Variants in ARHGAP10 observed in about 807,000 individuals in gnomAD.
ARHGAP10 encodes Rho GTPase activating protein 10.
ARHGAP10 carries 87 observed loss-of-function variants against 108.6 expected under a neutral mutation model. The observed-to-expected ratio is 0.80, with a 90% CI of 0.67 to 0.96. ARHGAP10 has a LOEUF of 0.96. Among genes scored for constraint, ARHGAP10 ranks in the 40% least tolerant of loss-of-function variants. ARHGAP10 has a pLI of 0.00. For synonymous variants in ARHGAP10, 347 were observed against 341.1 expected (o/e 1.02, Z -0.19); for missense variants, 939 against 954.5 (o/e 0.98, Z 0.21).
At chr4:147,897,566 C>T (rs1305291026) in intron 10 of ARHGAP10, among the ~76,000 whole-genome samples, 1 of 152,038 alleles carries the variant, frequency 6.6e-6, no homozygotes. Flanking sequence ...CAGAGTATAA[C>T]ATGCATTTTA....
intron 22 of ARHGAP10, among the ~76,000 whole-genome samples, chr4:148,071,292 C>T (rs1730164111): frequency 6.6e-6 from 1 of 152,198 alleles, no homozygotes; most frequent in African/African-American, 2.4e-5. Context: ...AGCCAGGTGC[C>T]CAGGGGCCTG....
At chr4:147,975,493 G>A (rs1739558629) in intron 18 of ARHGAP10, among the ~76,000 whole-genome samples, 1 of 152,164 alleles carries the variant, frequency 6.6e-6, no homozygotes, top group African/African-American at 2.4e-5. Context: ...TCTTACAGTT[G>A]CATAAGCTGG....
rs1195989477 is a variant in ARHGAP10, at chr4:147,847,231, C to G, written c.384+9C>G. ...AACTTGGAGCTGTAAAGGTTTGTGT[C>G]TAATTTGAATACACTCAGAAAACAT... On this transcript the variant is annotated intron_variant, in intron 4 of 22. Transcript: ENST00000336498. 2 of 1,603,372 alleles carry G rather than the reference C, an allele frequency of 1.2e-6. No homozygotes were observed. The highest frequency in any genetic ancestry group is 1.6e-4 in the Middle Eastern group (1 of 6,070).
At chr4:148,023,475 G>A (rs1353931628) in intron 19 of ARHGAP10, 62 bp downstream of exon 19, 20 of 1,519,948 alleles carry the variant, frequency 1.3e-5, no homozygotes, top group South Asian at 3.9e-5. Flanking sequence ...ATCATATGTC[G>A]TCAGGGCAGG....
intron 17 of ARHGAP10, among the ~76,000 whole-genome samples, chr4:147,966,085 T>G (rs1560849730): frequency 6.6e-6 from 1 of 152,216 alleles, no homozygotes; most frequent in Non-Finnish European, 1.5e-5. Context: ...TGATTGTGGG[T>G]GCTCTGACCA....
At chr4:147,795,335 C>G (rs574164781) in intron 1 of ARHGAP10, among the ~76,000 whole-genome samples, 1 of 152,092 alleles carries the variant, frequency 6.6e-6, no homozygotes, top group Non-Finnish European at 1.5e-5. Flanking sequence ...ACCTTTTATC[C>G]TACGTTTGTC....
At position 147,908,254 on chromosome 4, in the gene ARHGAP10, AGT is replaced by A. The variant is rs1299424820; in HGVS notation, c.1117-1477_1117-1476del. On this transcript the variant is annotated intron_variant, in intron 11 of 22. Coordinates refer to ENST00000336498, the MANE Select transcript of ARHGAP10 (RefSeq NM_024605.4). ...AAAACAGGTTATACTAGTCTTCTTTAGTAAAGACAGCACACTCACTGGAATGT... is the reference window on the plus strand; with the variant it reads ...AAAACAGGTTATACTAGTCTTCTTTAAAAGACAGCACACTCACTGGAATGT... Among the ~76,000 whole-genome samples, 5 of 152,352 alleles carry A rather than the reference AGT, an allele frequency of 3.3e-5. No individual in the cohort carries two copies. In the East Asian group the frequency reaches 9.6e-4, roughly 29 times the overall value.
chr4:148,052,796 T>C (rs888115063), intron 20 of ARHGAP10, among the ~76,000 whole-genome samples: 2 of 152,020 alleles, frequency 1.3e-5, no homozygotes, highest in African/African-American at 4.8e-5. Flanking sequence ...AGCTCAAATC[T>C]AAGGAAGAAC....
chr4:148,052,434 CAT>C (rs1348690786), intron 20 of ARHGAP10, among the ~76,000 whole-genome samples: 4 of 93,476 alleles, frequency 4.3e-5, no homozygotes, highest in African/African-American at 1.7e-4. Context: ...CCAAAATGAA[CAT>C]ATACTGCTTT....
chr4:147,875,089 C>G lies in ARHGAP10; in HGVS notation c.771C>G (p.Pro257=), dbSNP rs962546015. ...EELMNKIRQN[P]KDHKRASQFT... The stretch of plus-strand genomic sequence containing the variant: ...TCATGAACAAAATCAGACAGAATCC[C>G]AAGGACCACAAACGAGCAAGTCAGT... Residue 257 remains proline (P), a synonymous_variant, in exon 8 of 23, where the codon CCC becomes CCG. Transcript: ENST00000336498. 1 of 1,608,680 alleles carries G rather than the reference C, an allele frequency of 6.2e-7. No homozygotes were observed. The highest frequency in any genetic ancestry group is 1.3e-5 in the African/African-American group (1 of 74,638).
chr4:147,901,030 A>C (rs1374386826), intron 10 of ARHGAP10, among the ~76,000 whole-genome samples: 1 of 152,158 alleles, frequency 6.6e-6, no homozygotes, highest in African/African-American at 2.4e-5. Flanking sequence ...CATCCATTAA[A>C]TTTTATTAAT....
At chr4:147,954,828 TTA>T (rs1290456502) in intron 15 of ARHGAP10, among the ~76,000 whole-genome samples, 1 of 152,058 alleles carries the variant, frequency 6.6e-6, no homozygotes, top group Non-Finnish European at 1.5e-5. Context: ...ATCTCTCATC[TTA>T]TAGGAATAAA....
chr4:148,057,703 G>T (rs113472688), intron 20 of ARHGAP10, among the ~76,000 whole-genome samples: 7 of 152,308 alleles, frequency 4.6e-5, no homozygotes, highest in African/African-American at 1.7e-4. Flanking sequence ...TGGTTATTAG[G>T]TGCTTCCTCC....
chr4:148,043,044 T>C (rs1052028079), intron 19 of ARHGAP10, among the ~76,000 whole-genome samples: 2 of 152,102 alleles, frequency 1.3e-5, no homozygotes, highest in South Asian at 4.1e-4. Context: ...CAAGACGTGG[T>C]CTGCACCCTG....
chr4:147,984,464 G>A (rs372281069), intron 18 of ARHGAP10, among the ~76,000 whole-genome samples: 4 of 152,314 alleles, frequency 2.6e-5, no homozygotes, highest in African/African-American at 4.8e-5. Context: ...TGCCATGCCC[G>A]TGTTTCCTTT....
At chr4:148,066,563 C>T (rs1482446925) in intron 22 of ARHGAP10, among the ~76,000 whole-genome samples, 1 of 152,238 alleles carries the variant, frequency 6.6e-6, no homozygotes, top group African/African-American at 2.4e-5. Flanking sequence ...CACACGTACA[C>T]ATACATAGTC....
chr4:147,735,853 G>A lies in ARHGAP10; in HGVS notation c.154+3398G>A, dbSNP rs17023724. On this transcript the variant is annotated intron_variant, in intron 1 of 22. Coordinates refer to ENST00000336498, the MANE Select transcript of ARHGAP10 (RefSeq NM_024605.4). Reference sequence around the variant, plus strand: ...GTACTTTCTTTTCTTAAAATAACCAGTGTCTTCTTTAAATGCAGTTTAAAC... The same window carrying A: ...GTACTTTCTTTTCTTAAAATAACCAATGTCTTCTTTAAATGCAGTTTAAAC... Among the ~76,000 whole-genome samples, 1,467 of 152,272 alleles carry A rather than the reference G, an allele frequency of 9.6e-3. 32 individuals are homozygous for A. Among genetic ancestry groups the A allele is most frequent in the African/African-American group, 0.033 (1,375 of 41,552 alleles).
chr4:147,972,632 T>G (rs1374566674), intron 18 of ARHGAP10, among the ~76,000 whole-genome samples: 1 of 152,136 alleles, frequency 6.6e-6, no homozygotes, highest in Admixed American at 6.5e-5. Flanking sequence ...AGTGCTAGTG[T>G]CAGGGTTGTC....
In ARHGAP10 at chr4:147,739,848, G is replaced by A. The variant is rs183528462; in HGVS notation, c.154+7393G>A. Among the ~76,000 whole-genome samples the A allele has an allele frequency of 5.2e-3, 776 of 150,214 alleles. 7 individuals are homozygous for A. The highest frequency in any genetic ancestry group is 6.8e-3 in the South Asian group (32 of 4,690). ...CCTCCCAGGTTCAAGCGATTCTCCC[G>A]CCTCAGCCTCCCAAGTAGCTGGGAT... On this transcript the variant is annotated intron_variant, in intron 1 of 22. Transcript: ENST00000336498.
Sources: allele counts gnomAD v4.1 joint callset (sites outside exome capture counted in the v4.1 genomes callset), GRCh38; gene constraint gnomAD v4.1.1; transcripts MANE v1.5; gene names NCBI Gene and HGNC (gene_info 2026-07-23, HGNC 2026-07-21).